RBM34: variants seen among roughly 807,000 people sequenced by gnomAD.
The protein encoded by RBM34 is RNA binding motif protein 34, also known as RNA-binding protein 34.
RBM34 carries 39 observed loss-of-function variants against 44.6 expected under a neutral mutation model. The ratio of observed to expected loss-of-function variants is 0.87; its 90% CI spans 0.68 to 1.14. The LOEUF is 1.14. Ranked by LOEUF, RBM34 falls within the 50% of genes most tolerant of loss-of-function variation. The pLI, the probability that RBM34 is intolerant of heterozygous loss-of-function variation, is 0.00. For synonymous variants in RBM34, 194 were observed against 184.0 expected (o/e 1.05, Z -0.44); for missense variants, 572 against 517.9 (o/e 1.10, Z -1.01).
intron 6 of RBM34, among the ~76,000 whole-genome samples, chr1:235,146,425 A>C (rs1456766362): frequency 1.3e-5 from 2 of 152,190 alleles, no homozygotes; most frequent in Non-Finnish European, 2.9e-5. Context: ...AGTTGTACTA[A>C]GCAGAAAAAG....
chr1:235,147,106 C>A (rs1661937234), intron 6 of RBM34, among the ~76,000 whole-genome samples: 1 of 152,162 alleles, frequency 6.6e-6, no homozygotes, highest in Non-Finnish European at 1.5e-5. Context: ...GTGTGCACAC[C>A]TGTAGTCCCA....
chr1:235,151,667 C>T (rs1430347640), intron 5 of RBM34, among the ~76,000 whole-genome samples: 1 of 152,090 alleles, frequency 6.6e-6, no homozygotes, highest in African/African-American at 2.4e-5. Flanking sequence ...AAGAATTATC[C>T]AGCCCAAAAT....
intron 5 of RBM34, among the ~76,000 whole-genome samples, chr1:235,150,300 T>G (rs1662103216): frequency 6.6e-6 from 1 of 152,154 alleles, no homozygotes. Context: ...GTCTCGAACT[T>G]CTGAACTCAA....
chr1:235,136,479 G>A (rs1661439288), intron 8 of RBM34, among the ~76,000 whole-genome samples: 1 of 152,142 alleles, frequency 6.6e-6, no homozygotes, highest in African/African-American at 2.4e-5. Context: ...GTCGCTGTGT[G>A]TCAAAAGAAA....
chr1:235,160,315 C>T, intron 3 of RBM34, 196 bp downstream of exon 3: 2 of 751,434 alleles, frequency 2.7e-6, no homozygotes, highest in Non-Finnish European at 4.7e-6. Context: ...AAAGGTTAGC[C>T]AAATATTAGT....
intron 5 of RBM34, among the ~76,000 whole-genome samples, chr1:235,149,159 C>G (rs1056319593): frequency 1.3e-5 from 2 of 151,636 alleles, no homozygotes; most frequent in East Asian, 2.0e-4. Context: ...GAGGCCAAGG[C>G]GGGCGGATCA....
chr1:235,155,608 G>A (rs373851653), intron 3 of RBM34, among the ~76,000 whole-genome samples: 1 of 149,164 alleles, frequency 6.7e-6, no homozygotes, highest in African/African-American at 2.5e-5. Context: ...GGGTTCAAGC[G>A]ATTTTCCTGC....
At chr1:235,144,625 T>C (rs1661828791) in intron 6 of RBM34, among the ~76,000 whole-genome samples, 1 of 152,102 alleles carries the variant, frequency 6.6e-6, no homozygotes, top group Admixed American at 6.6e-5. Context: ...TGTGCACCTG[T>C]AGTTCCAGCT....
At chr1:235,154,330 G>A (rs1193082991) in intron 4 of RBM34, among the ~76,000 whole-genome samples, 1 of 151,802 alleles carries the variant, frequency 6.6e-6, no homozygotes, top group African/African-American at 2.4e-5. Context: ...CCAGCACCTT[G>A]GGAGGCTAAG....
At chr1:235,157,678 T>C (rs555364409) in intron 3 of RBM34, among the ~76,000 whole-genome samples, 17 of 151,076 alleles carry the variant, frequency 1.1e-4, no homozygotes, top group African/African-American at 4.1e-4. Flanking sequence ...ATTTAAAGAG[T>C]AGTCAGAGGA....
rs1250730778 is a variant in RBM34, at chr1:235,152,691, G to C, written c.657+15C>G. On this transcript the variant is annotated intron_variant, in intron 5 of 10. Transcript: ENST00000408888. ...ATTTTAATATTATGTAATTTTACGG[G>C]GGAATGAAACATACCAGAGAACGAA... The C allele has an allele frequency of 1.9e-6, 3 of 1,594,834 alleles. No individual in the cohort carries two copies. In the Admixed American group the frequency reaches 5.2e-5, roughly 28 times the overall value.
chr1:235,145,194 T>C (rs565610544), intron 6 of RBM34, among the ~76,000 whole-genome samples: 1 of 151,928 alleles, frequency 6.6e-6, no homozygotes, highest in East Asian at 1.9e-4. Context: ...ACTCTTAAAT[T>C]ACATGACAAG....
intron 2 of RBM34, 63 bp from the exon 3 acceptor site, chr1:235,160,710 T>C: frequency 6.4e-7 from 1 of 1,555,778 alleles, no homozygotes; most frequent in Non-Finnish European, 8.7e-7. Context: ...CCCTAAGCCA[T>C]AATTCAGTCT....
intron 6 of RBM34, 101 bp downstream of exon 6, chr1:235,148,303 T>C (rs1397527774): frequency 1.2e-6 from 1 of 830,774 alleles, no homozygotes; most frequent in Non-Finnish European, 1.8e-6. Flanking sequence ...ATTATCCAAA[T>C]ATATTAATAA....
chr1:235,160,456 G>A (rs554288388), intron 3 of RBM34, 55 bp downstream of exon 3: 7 of 1,535,832 alleles, frequency 4.6e-6, no homozygotes, highest in Non-Finnish European at 6.3e-6. Flanking sequence ...CCAAGTATAG[G>A]AATGTTAATT....
At chr1:235,138,288 A>T in intron 6 of RBM34, 114 bp from the exon 7 acceptor site, 2 of 720,070 alleles carry the variant, frequency 2.8e-6, no homozygotes, top group East Asian at 5.5e-5. Context: ...ACATGACAAG[A>T]ATTCCTGGGT....
At chr1:235,159,760 G>A (rs968949232) in intron 3 of RBM34, among the ~76,000 whole-genome samples, 5 of 150,468 alleles carry the variant, frequency 3.3e-5, no homozygotes, top group East Asian at 2.0e-4. Context: ...TCAGCTCCAC[G>A]GGAGGCCTGA....
At chr1:235,148,660 A>G (rs1457816167) in intron 5 of RBM34, among the ~76,000 whole-genome samples, 4 of 151,090 alleles carry the variant, frequency 2.6e-5, no homozygotes, top group African/African-American at 7.3e-5. Flanking sequence ...GTGCAGTGGC[A>G]TGATGTCGGC....
At chr1:235,142,696 G>A (rs1194208824) in intron 6 of RBM34, among the ~76,000 whole-genome samples, 1 of 151,766 alleles carries the variant, frequency 6.6e-6, no homozygotes, top group African/African-American at 2.4e-5. Context: ...GGGAGGCAGA[G>A]GTGGGTGGAT....
Sources: gnomAD v4.1 joint callset for allele counts (sites outside exome capture counted in the v4.1 genomes callset) on GRCh38, gnomAD v4.1.1 for gene constraint, MANE v1.5 for transcripts, NCBI Gene and HGNC (gene_info 2026-07-23, HGNC 2026-07-21) for gene names.